PTPRG: variants seen among roughly 807,000 people sequenced by gnomAD.
The protein encoded by PTPRG is receptor-type tyrosine-protein phosphatase gamma.
In PTPRG, 102 loss-of-function variants were observed where a neutral mutation model predicts 165.3. The ratio of observed to expected loss-of-function variants is 0.62; its 90% confidence interval spans 0.53 to 0.73. The LOEUF is 0.73. Ranked by LOEUF, PTPRG falls within the 30% of genes least tolerant of loss-of-function variation. The pLI, the probability that PTPRG is intolerant of heterozygous loss-of-function variation, is 0.00. For synonymous variants in PTPRG, 675 were observed against 669.5 expected (o/e 1.01, Z -0.13); for missense variants, 1,866 against 1,861.4 (o/e 1.00, Z -0.05).
chr3:61,806,401 G>A (rs774711607), intron 2 of PTPRG, among the ~76,000 whole-genome samples: 4 of 152,204 alleles, frequency 2.6e-5, no homozygotes, highest in Non-Finnish European at 5.9e-5. Flanking sequence ...TAATGGATGG[G>A]TTAAAGACTT....
intron 2 of PTPRG, among the ~76,000 whole-genome samples, chr3:61,922,065 A>C (rs929857329): frequency 1.3e-5 from 2 of 152,202 alleles, no homozygotes; most frequent in South Asian, 4.1e-4. Flanking sequence ...AACATTTTGC[A>C]GCTTGTTGAG....
At position 62,271,447 on chromosome 3, in the gene PTPRG, A is replaced by G; in HGVS notation, c.3074A>G (p.Gln1025Arg). The G allele has an allele frequency of 1.9e-6, 3 of 1,613,736 alleles. No individual in the cohort carries two copies. The highest frequency in any genetic ancestry group is 1.3e-5 in the African/African-American group (1 of 75,060). ...GTAGTGATCCAGTATCACTATACACAGTGGCCTGACATGGGAGTTCCCGAG... is the reference window on the plus strand; with the variant it reads ...GTAGTGATCCAGTATCACTATACACGGTGGCCTGACATGGGAGTTCCCGAG... ...ERVVIQYHYT[Q>R]WPDMGVPEYA... is the part of the protein sequence containing the mutation. The change falls in exon 21 of 30, where the codon CAG (glutamine) becomes CGG (arginine). Residue 1025 changes from glutamine to arginine, a missense_variant. Physicochemically the swap from Gln to Arg is conservative, Grantham distance 43. Coordinates refer to ENST00000474889, the MANE Select transcript of PTPRG (RefSeq NM_002841.4). This position sits in a 1 kb window ranked among gnomAD's most constrained non-coding sequence, Gnocchi z 4.1.
intron 17 of PTPRG, chr3:62,263,533 TATA>T (rs1335404750): frequency 1.3e-5 from 2 of 152,688 alleles, no homozygotes; most frequent in Non-Finnish European, 2.9e-5. Flanking sequence ...CTCACTGGCA[TATA>T]ATATATGCTT....
At chr3:61,842,009 C>A (rs950584721) in intron 2 of PTPRG, among the ~76,000 whole-genome samples, 2 of 152,158 alleles carry the variant, frequency 1.3e-5, no homozygotes, top group Admixed American at 1.3e-4. Flanking sequence ...ACACAGCAAC[C>A]CTGATAAGTA....
chr3:61,982,216 T>C (rs1330645489), intron 2 of PTPRG, among the ~76,000 whole-genome samples: 9 of 152,202 alleles, frequency 5.9e-5, no homozygotes, highest in Admixed American at 2.6e-4. Context: ...TTATAAACAC[T>C]TAAGATGTTT....
chr3:61,830,140 T>C (rs1458555992), intron 2 of PTPRG, among the ~76,000 whole-genome samples: 1 of 152,188 alleles, frequency 6.6e-6, no homozygotes, highest in Admixed American at 6.5e-5. Flanking sequence ...AAAAATGCAT[T>C]TAAAAGCCAG....
At chr3:61,586,739 T>C (rs1054870499) in intron 1 of PTPRG, among the ~76,000 whole-genome samples, 2 of 152,202 alleles carry the variant, frequency 1.3e-5, no homozygotes, top group African/African-American at 4.8e-5. Context: ...GTCCCATTTG[T>C]TTCGGGGCTG....
chr3:62,178,844 A>G (rs1181227683), intron 8 of PTPRG, among the ~76,000 whole-genome samples: 2 of 152,214 alleles, frequency 1.3e-5, no homozygotes, highest in African/African-American at 2.4e-5. Flanking sequence ...CTTCTCTGAC[A>G]TTGGGTTTAC....
chr3:62,050,701 C>A (rs1044789352), intron 4 of PTPRG, among the ~76,000 whole-genome samples: 4 of 152,196 alleles, frequency 2.6e-5, no homozygotes, highest in Non-Finnish European at 5.9e-5. Flanking sequence ...TAGTGACTAA[C>A]ATAACTGCAA....
chr3:62,164,914 A>G (rs1386908667), intron 7 of PTPRG, among the ~76,000 whole-genome samples: 2 of 152,220 alleles, frequency 1.3e-5, no homozygotes, highest in East Asian at 3.9e-4. Context: ...CTGGCATCTC[A>G]GAGATTAAAC....
At chr3:61,904,744 G>A (rs1489005677) in intron 2 of PTPRG, among the ~76,000 whole-genome samples, 2 of 152,170 alleles carry the variant, frequency 1.3e-5, no homozygotes, top group African/African-American at 4.8e-5. Context: ...TAGAAGCCAA[G>A]AAAGGCATTG....
intron 1 of PTPRG, among the ~76,000 whole-genome samples, chr3:61,597,549 G>C (rs866995244): frequency 6.6e-6 from 1 of 152,126 alleles, no homozygotes; most frequent in South Asian, 2.1e-4. Context: ...CATTATCTAG[G>C]GCATGTAAGT....
chr3:62,137,013 T>C (rs1455649755), intron 6 of PTPRG, among the ~76,000 whole-genome samples: 2 of 152,280 alleles, frequency 1.3e-5, no homozygotes, highest in Middle Eastern at 3.4e-3. Flanking sequence ...ATTGTGACTT[T>C]TACTAACTCA....
chr3:62,227,856 T>A (rs1021068942), intron 13 of PTPRG, among the ~76,000 whole-genome samples: 1 of 152,188 alleles, frequency 6.6e-6, no homozygotes, highest in African/African-American at 2.4e-5. Flanking sequence ...TTTTTTAAAA[T>A]CTTGAATTAT....
chr3:62,005,776 C>T (rs947921805), intron 4 of PTPRG, among the ~76,000 whole-genome samples: 33 of 128,664 alleles, frequency 2.6e-4, no homozygotes, highest in African/African-American at 9.3e-4. Context: ...GATATCAGCT[C>T]ACTGCAATCT....
intron 1 of PTPRG, among the ~76,000 whole-genome samples, chr3:61,605,776 G>C (rs182709711): frequency 2.6e-5 from 4 of 151,884 alleles, no homozygotes; most frequent in African/African-American, 9.7e-5. Context: ...GTCTTGCTAC[G>C]TTGCCCAGGC....
intron 16 of PTPRG, among the ~76,000 whole-genome samples, chr3:62,260,388 C>T (rs1329031035): frequency 2.0e-5 from 3 of 152,062 alleles, no homozygotes; most frequent in Non-Finnish European, 2.9e-5. Context: ...TTTAAATAGC[C>T]TCTTGCATCA....
chr3:61,718,244 A>G (rs570544330), intron 1 of PTPRG, among the ~76,000 whole-genome samples: 1 of 152,038 alleles, frequency 6.6e-6, no homozygotes, highest in African/African-American at 2.4e-5. Context: ...GACTCAGAGA[A>G]CCAAGACAGA....
At chr3:61,904,920 T>C (rs965561851) in intron 2 of PTPRG, among the ~76,000 whole-genome samples, 1 of 152,094 alleles carries the variant, frequency 6.6e-6, no homozygotes, top group South Asian at 2.1e-4. Context: ...CTTTTTTTTT[T>C]TGATGCTCAA....
Sources: allele counts gnomAD v4.1 joint callset (sites outside exome capture counted in the v4.1 genomes callset), GRCh38; gene constraint gnomAD v4.1.1; non-coding constraint Gnocchi (gnomAD v3.1); transcripts MANE v1.5; gene names NCBI Gene and HGNC (gene_info 2026-07-23, HGNC 2026-07-21).